The following KCNMA1 variants were observed in gnomAD, a reference collection of about 807,000 sequenced individuals.
KCNMA1 encodes potassium calcium-activated channel subfamily M alpha 1, also known as Calcium-activated potassium channel subunit alpha-1.
Under a neutral mutation model 140.0 loss-of-function variants are expected in KCNMA1, and 29 were observed. That is an observed-to-expected ratio of 0.21 (90% CI 0.15 to 0.28). The LOEUF is 0.28. Ranked by LOEUF, KCNMA1 falls within the 10% of genes least tolerant of loss-of-function variation. KCNMA1 has a pLI of 1.00. For synonymous variants in KCNMA1, 612 were observed against 611.9 expected (o/e 1.00, Z 0.00); for missense variants, 880 against 1,602.2 (o/e 0.55, Z 7.70).
At position 77,184,910 on chromosome 10, in the gene KCNMA1, T is replaced by C; in HGVS notation, c.609A>G (p.Ile203Met). 6.3e-7 allele frequency: 1 copy of C among 1,597,412 alleles called. No individual in the cohort carries two copies. Among genetic ancestry groups the C allele is most frequent in the East Asian group, 2.2e-5 (1 of 44,742 alleles). The stretch of plus-strand genomic sequence containing the variant: ...CTTTGTAGAAATTCTGGCAGGATTC[T>C]ATTGGGCTATTAGACAGGAAGAAGA... ...VIYFIDSSNP[I>M]ESCQNFYKDF... Residue 203 changes from isoleucine (I) to methionine (M), a missense_variant, in exon 4 of 28, where the codon ATA becomes ATG. Around this residue, in one of 13 missense-constraint regions of KCNMA1, gnomAD observed 198 missense variants for 580.1 expected, o/e 0.34. Transcript: ENST00000286628.
chr10:77,091,174 A>T (rs1187808821), intron 9 of KCNMA1: 1 of 153,736 alleles, frequency 6.5e-6, no homozygotes, highest in Non-Finnish European at 1.4e-5. Flanking sequence ...ATGGAAGATC[A>T]TGCCAGCTGG....
At chr10:77,332,082 G>A (rs1013516371) in intron 2 of KCNMA1, among the ~76,000 whole-genome samples, 4 of 152,092 alleles carry the variant, frequency 2.6e-5, no homozygotes, top group Admixed American at 6.6e-5. Context: ...CTGTTGTTAC[G>A]AGGGCACAGC....
intron 5 of KCNMA1, among the ~76,000 whole-genome samples, chr10:77,154,636 C>A (rs527487818): frequency 5.8e-4 from 88 of 152,214 alleles, no homozygotes; most frequent in African/African-American, 2.0e-3. Context: ...CCATCTGTAT[C>A]TATATAGAGA....
At chr10:77,371,579 G>C (rs902417671) in intron 2 of KCNMA1, among the ~76,000 whole-genome samples, 23 of 152,194 alleles carry the variant, frequency 1.5e-4, no homozygotes, top group Non-Finnish European at 1.2e-4. Context: ...TCCACAGCTG[G>C]CCAGAGCTGT....
intron 14 of KCNMA1, among the ~76,000 whole-genome samples, chr10:77,054,137 T>C (rs767136973): frequency 6.6e-5 from 10 of 152,132 alleles, no homozygotes; most frequent in African/African-American, 9.7e-5. Context: ...ATGATCAAAA[T>C]TGAATCCTAG....
At chr10:77,378,965 A>G (rs2154426613) in intron 2 of KCNMA1, among the ~76,000 whole-genome samples, 1 of 152,338 alleles carries the variant, frequency 6.6e-6, no homozygotes, top group East Asian at 1.9e-4. Context: ...CCCTACATGT[A>G]CGCTCATTTT....
At chr10:76,944,745 G>A (rs1301275813) in intron 23 of KCNMA1, 28 bp downstream of exon 23, 2 of 1,604,106 alleles carry the variant, frequency 1.2e-6, no homozygotes, top group Non-Finnish European at 1.7e-6. Flanking sequence ...TGCAGGCACA[G>A]CAAAGAAGTA....
chr10:77,416,028 G>C (rs1213427346), intron 1 of KCNMA1, among the ~76,000 whole-genome samples: 1 of 152,140 alleles, frequency 6.6e-6, no homozygotes, highest in Non-Finnish European at 1.5e-5. Context: ...GTGGCCTTGT[G>C]ATATTCTGTT....
intron 15 of KCNMA1, among the ~76,000 whole-genome samples, chr10:77,033,925 CT>C (rs945966054): frequency 6.6e-6 from 1 of 152,122 alleles, no homozygotes; most frequent in African/African-American, 2.4e-5. Flanking sequence ...AGAGCCAGTT[CT>C]GTGAGGGGAA....
Position 77,606,590 on chromosome 10 carries a change from A to G in KCNMA1, c.378+30675T>C, listed in dbSNP as rs552374536. On this transcript the variant is annotated intron_variant, in intron 1 of 27. Coordinates refer to ENST00000286628, the MANE Select transcript of KCNMA1 (RefSeq NM_001161352.2). ...ATGCCACTGCACTCTAGCCTGGGCA[A>G]CAGAGTGAGACTATCTCTTAAAGAA... 8.9e-4 allele frequency among the ~76,000 whole-genome samples: 136 copies of G among 152,296 alleles called. 6 individuals are homozygous for G. In the South Asian group the frequency reaches 0.027, roughly 30 times the overall value.
chr10:77,465,453 AGAG>A (rs1030406491), intron 1 of KCNMA1, among the ~76,000 whole-genome samples: 8 of 152,174 alleles, frequency 5.3e-5, no homozygotes, highest in Admixed American at 5.2e-4. Flanking sequence ...AGAAATACTC[AGAG>A]TTTTGGAGTT....
intron 24 of KCNMA1, chr10:76,913,874 T>C (rs972526117): frequency 1.8e-6 from 1 of 568,946 alleles, no homozygotes; most frequent in African/African-American, 1.9e-5. Context: ...AAAAAATCAT[T>C]AAGAAAGGCC....
At chr10:76,954,183 T>A (rs2067285146) in intron 20 of KCNMA1, among the ~76,000 whole-genome samples, 1 of 152,074 alleles carries the variant, frequency 6.6e-6, no homozygotes, top group African/African-American at 2.4e-5. Context: ...ATGGTCTTCC[T>A]AACATTTTGT....
At chr10:77,153,365 TTTTTTC>T (rs2098446373) in intron 5 of KCNMA1, among the ~76,000 whole-genome samples, 2 of 152,138 alleles carry the variant, frequency 1.3e-5, no homozygotes, top group South Asian at 4.1e-4. Context: ...TTCATCTTCT[TTTTTTC>T]TTTTTCTTTT....
rs1314238418 is a variant in KCNMA1 at position 76,891,548 on chromosome 10, C to T, written c.3319G>A (p.Asp1107Asn). 21 of 1,613,588 alleles carry T rather than the reference C, an allele frequency of 1.3e-5. No individual in the cohort carries two copies. The highest frequency in any genetic ancestry group is 2.2e-5 in the East Asian group (1 of 44,854). ...RCRVAQLALL[D>N]GPFADLGDGG... ...ACCCCTAAGTCCGCAAATGGCCCAT[C>T]GAGCAGAGCTAACTGGGCCACGCGG... is the stretch of plus-strand genomic sequence containing the variant. Residue 1107 changes from aspartate to asparagine, a missense_variant, in exon 26 of 28, where the codon GAT becomes AAT. By Grantham distance (23) the Asp-to-Asn change is conservative. Around this residue, in one of 13 missense-constraint regions of KCNMA1, gnomAD observed 31 missense variants for 38.8 expected, o/e 0.80. Transcript: ENST00000286628.
Position 77,506,596 on chromosome 10 carries a change from A to AGAGAGTGTGTGTGTGTGTGT in KCNMA1, c.379-102574_379-102573insACACACACACACACACTCTC. Reference sequence around the variant, plus strand: ...TAGAGAGAGAGAGAGAGAGAGAGAGAGTGTGTGTGTGTGTGTGTGTGTGTT... The same window carrying AGAGAGTGTGTGTGTGTGTGT: ...TAGAGAGAGAGAGAGAGAGAGAGAGAGAGAGTGTGTGTGTGTGTGTGTGTGTGTGTGTGTGTGTGTGTGTT... On this transcript the variant is annotated intron_variant, in intron 1 of 27. Transcript: ENST00000286628. 1.9e-4 allele frequency among the ~76,000 whole-genome samples: 16 copies of AGAGAGTGTGTGTGTGTGTGT among 83,566 alleles called. 1 individual carries two copies. Among genetic ancestry groups the AGAGAGTGTGTGTGTGTGTGT allele is most frequent in the African/African-American group, 9.7e-4 (13 of 13,410 alleles). The allele number at this position is 83,566 out of a possible 152,430, so 54.8% of individuals were successfully genotyped here. A position where few individuals can be genotyped will look rare whatever the true frequency, so the allele number is the denominator to read the frequency against.
intron 29 of KCNMA1, chr10:76,877,927 G>A (rs202175141): frequency 1.3e-6 from 2 of 1,592,082 alleles, no homozygotes; most frequent in Non-Finnish European, 1.7e-6. Context: ...ACAAGAAGGA[G>A]AAATGAGAAG....
chr10:77,090,038 A>G (rs763276697), intron 10 of KCNMA1, among the ~76,000 whole-genome samples: 9 of 152,166 alleles, frequency 5.9e-5, no homozygotes, highest in Non-Finnish European at 1.2e-4. Context: ...TATCCACACC[A>G]TACAGCTAAT....
intron 3 of KCNMA1, among the ~76,000 whole-genome samples, chr10:77,229,530 GTATAT>G (rs1053414194): frequency 6.6e-6 from 1 of 152,096 alleles, no homozygotes; most frequent in African/African-American, 2.4e-5. Context: ...CTTCACCCCA[GTATAT>G]TATTGCTGTT....
Sources: allele counts gnomAD v4.1 joint callset (sites outside exome capture counted in the v4.1 genomes callset), GRCh38; gene constraint gnomAD v4.1.1; regional missense constraint gnomAD v4.1.1; transcripts MANE v1.5; gene names NCBI Gene and HGNC (gene_info 2026-07-23, HGNC 2026-07-21).